DCAF6: variants seen among roughly 807,000 people sequenced by gnomAD.
The protein encoded by DCAF6 is DDB1- and CUL4-associated factor 6.
DCAF6 carries 54 observed loss-of-function variants against 125.1 expected under a neutral mutation model. The observed-to-expected ratio is 0.43, with a 90% CI of 0.35 to 0.54. DCAF6 has a LOEUF of 0.54. Ranked by LOEUF, DCAF6 falls within the 20% of genes least tolerant of loss-of-function variation. DCAF6 has a pLI of 0.01. For missense variants in DCAF6, 934 were observed against 1,161.7 expected (o/e 0.80, Z 2.85); for synonymous variants, 371 against 390.4 (o/e 0.95, Z 0.58).
At chr1:168,071,102 T>G (rs1181465336) in intron 21 of DCAF6, among the ~76,000 whole-genome samples, 1 of 152,226 alleles carries the variant, frequency 6.6e-6, no homozygotes, top group African/African-American at 2.4e-5. Flanking sequence ...TTATATACCC[T>G]TGATCTCCCT....
rs1477863354 is a variant in DCAF6, at chr1:168,004,520, A to G, written c.1118-13A>G. The G allele has an allele frequency of 3.1e-6, 5 of 1,611,192 alleles. No homozygotes were observed. The Admixed American group carries it at 8.4e-5, about 27-fold the overall frequency. ...ATTTAAAATTTGAATTTGCCTTAAC[A>G]TGTGTTTTGAAGGTGGAACAAGTCA... On this transcript the variant is annotated splice_polypyrimidine_tract_variant and intron_variant, in intron 9 of 21. Transcript: ENST00000367840.
At chr1:168,009,424 TTCTG>T (rs1466623482) in intron 10 of DCAF6, among the ~76,000 whole-genome samples, 6 of 140,510 alleles carry the variant, frequency 4.3e-5, no homozygotes, top group African/African-American at 1.1e-4. Context: ...TTTTGTTTCT[TTCTG>T]TCTCTCTCTC....
At chr1:168,068,863 T>G (rs1156810957) in intron 21 of DCAF6, among the ~76,000 whole-genome samples, 1 of 152,176 alleles carries the variant, frequency 6.6e-6, no homozygotes, top group Non-Finnish European at 1.5e-5. Context: ...TTTTTTTGTT[T>G]TAGATAAACT....
intron 2 of DCAF6, among the ~76,000 whole-genome samples, chr1:167,957,319 C>T (rs955661246): frequency 1.3e-5 from 2 of 152,048 alleles, no homozygotes; most frequent in Non-Finnish European, 1.5e-5. Context: ...TACCAATGTG[C>T]GTATTCTGAC....
the DCAF6 span, among the ~76,000 whole-genome samples, chr1:167,872,984 C>T: frequency 2.0e-5 from 3 of 151,592 alleles, no homozygotes; most frequent in South Asian, 2.1e-4. Flanking sequence ...GCAGAAGAAT[C>T]GCTTGAACCC....
In DCAF6 at chr1:167,938,625, A is replaced by G. The variant is rs567039186; in HGVS notation, c.97+1617A>G. Among the ~76,000 whole-genome samples the G allele has an allele frequency of 2.5e-3, 378 of 152,294 alleles. 4 individuals are homozygous for G. The highest frequency in any genetic ancestry group is 8.7e-3 in the African/African-American group (363 of 41,564). ...GTGTGCAGTATTTCTTTTAGAATTTATTTGCGGAGAAAGAACTTAATTTTA... is the reference window on the plus strand; with the variant it reads ...GTGTGCAGTATTTCTTTTAGAATTTGTTTGCGGAGAAAGAACTTAATTTTA... On this transcript the variant is annotated intron_variant, in intron 1 of 21. Coordinates refer to ENST00000367840, the MANE Select transcript of DCAF6 (RefSeq NM_001198956.2).
rs761919856 is a variant in DCAF6, at chr1:168,066,387, A to C, written c.2607A>C (p.Ser869=). The C allele has an allele frequency of 8.8e-6, 14 of 1,599,602 alleles. No homozygotes were observed. In the Admixed American group the frequency reaches 2.4e-4, roughly 27 times the overall value. ...QPHPFDPILA[S]SGIDYDIKIW... ...AAATTTTATTTCTAGTTTTAGCCTCATCTGGCATAGATTATGACATAAAGA... is the reference window on the plus strand; with the variant it reads ...AAATTTTATTTCTAGTTTTAGCCTCCTCTGGCATAGATTATGACATAAAGA... Residue 869 remains serine, a synonymous_variant, in exon 20 of 22, where the codon TCA becomes TCC. Coordinates refer to ENST00000367840, the MANE Select transcript of DCAF6 (RefSeq NM_001198956.2).
rs781077170 is a variant in DCAF6 at position 168,068,385 on chromosome 1, G to T, written c.2713G>T (p.Glu905Ter). ...TATAACTCGAAACGAACTCATGCTG[G>T]AAGAAACTAGAAACACCATTACAGT... is the stretch of plus-strand genomic sequence containing the variant. ...EVITRNELMLEETRNTITVPA... is the reference protein window; with the variant it reads ...EVITRNELML Residue 905 changes from glutamate (E) to a stop codon, truncating the protein, a stop_gained, in exon 21 of 22, where the codon GAA becomes TAA. Coordinates refer to ENST00000367840, the MANE Select transcript of DCAF6 (RefSeq NM_001198956.2). LOFTEE classifies it high-confidence loss of function. 1 of 1,603,488 alleles carries T rather than the reference G, an allele frequency of 6.2e-7. No homozygotes were observed.
chr1:168,016,356 A>G (rs1571951724), intron 11 of DCAF6, among the ~76,000 whole-genome samples: 1 of 152,164 alleles, frequency 6.6e-6, no homozygotes, highest in African/African-American at 2.4e-5. Flanking sequence ...ATGTTAGCCA[A>G]TATTCCTAAA....
At chr1:168,016,391 T>C (rs1284155990) in intron 11 of DCAF6, among the ~76,000 whole-genome samples, 2 of 152,220 alleles carry the variant, frequency 1.3e-5, no homozygotes, top group Non-Finnish European at 2.9e-5. Flanking sequence ...GATTTTAGAA[T>C]TATAGTATTA....
chr1:168,021,401 T>A lies in DCAF6; in HGVS notation c.1550-1587T>A, dbSNP rs148555804. On this transcript the variant is annotated intron_variant, in intron 11 of 21. Coordinates refer to ENST00000367840, the MANE Select transcript of DCAF6 (RefSeq NM_001198956.2). Reference sequence around the variant, plus strand: ...GTGAGTCACATTTTTCTTGTTTTTTTAAAGAGTTTAATTTGTTTTCTAAAG... The same window carrying A: ...GTGAGTCACATTTTTCTTGTTTTTTAAAAGAGTTTAATTTGTTTTCTAAAG... 4.9e-3 allele frequency among the ~76,000 whole-genome samples: 744 copies of A among 152,270 alleles called. 2 individuals carry two copies. The highest frequency in any genetic ancestry group is 0.013 in the Admixed American group (203 of 15,292).
the DCAF6 span, among the ~76,000 whole-genome samples, chr1:167,885,849 C>T: frequency 2.6e-5 from 4 of 152,146 alleles, no homozygotes; most frequent in Non-Finnish European, 4.4e-5. Context: ...CTCCTGATCT[C>T]GTGACTTGCC....
intron 4 of DCAF6, among the ~76,000 whole-genome samples, chr1:167,984,030 G>A (rs901029591): frequency 2.6e-5 from 4 of 152,162 alleles, no homozygotes. Context: ...TCGCAAGGCT[G>A]CTGTTGACTT....
chr1:168,001,185 C>G (rs1037008062), intron 7 of DCAF6, among the ~76,000 whole-genome samples: 3 of 151,942 alleles, frequency 2.0e-5, no homozygotes, highest in African/African-American at 7.3e-5. Flanking sequence ...ACCAACTACT[C>G]AGGAAGCTGT....
intron 2 of DCAF6, among the ~76,000 whole-genome samples, chr1:167,964,756 C>T (rs10918800): frequency 0.14 from 21,054 of 152,006 alleles, 1,933 homozygotes; most frequent in African/African-American, 0.26. Context: ...CTTTTTGCTT[C>T]TCAGTTTTGT....
chr1:168,057,934 T>G (rs370940214), intron 17 of DCAF6, among the ~76,000 whole-genome samples: 2 of 152,250 alleles, frequency 1.3e-5, no homozygotes, highest in Non-Finnish European at 2.9e-5. Flanking sequence ...CTGTTCACCC[T>G]ATTTTGTCCA....
At chr1:167,990,019 T>G (rs1000226930) in intron 5 of DCAF6, among the ~76,000 whole-genome samples, 18 of 152,188 alleles carry the variant, frequency 1.2e-4, no homozygotes, top group Admixed American at 9.8e-4. Flanking sequence ...GTAAGACCTG[T>G]CTTTTGCAGG....
At chr1:167,936,019 C>A, upstream of DCAF6, 1 of 612,288 alleles carries the variant, frequency 1.6e-6, no homozygotes, top group Non-Finnish European at 2.9e-6. Context: ...GCGGCCCGCG[C>A]CCCGCGAAGG....
At chr1:167,972,217 T>A (rs2102873134) in intron 3 of DCAF6, among the ~76,000 whole-genome samples, 1 of 152,386 alleles carries the variant, frequency 6.6e-6, no homozygotes, top group South Asian at 2.1e-4. Flanking sequence ...GCCTTATTGC[T>A]GTTTATCTGC....
Sources: gnomAD v4.1 joint callset for allele counts (sites outside exome capture counted in the v4.1 genomes callset) on GRCh38, gnomAD v4.1.1 for gene constraint, MANE v1.5 for transcripts, NCBI Gene and HGNC (gene_info 2026-07-23, HGNC 2026-07-21) for gene names.